COLGALT2: variants seen among roughly 807,000 people sequenced by gnomAD.
The protein encoded by COLGALT2 is procollagen galactosyltransferase 2.
In COLGALT2, 49 loss-of-function variants were observed where a neutral mutation model predicts 73.4. The ratio of observed to expected loss-of-function variants is 0.67; its 90% CI spans 0.53 to 0.85. The LOEUF is 0.85. Among genes scored for constraint, COLGALT2 ranks in the 40% least tolerant of loss-of-function variants. The pLI, the probability that COLGALT2 is intolerant of heterozygous loss-of-function variation, is 0.00. For missense variants in COLGALT2, 722 were observed against 790.2 expected (o/e 0.91, Z 1.03); for synonymous variants, 295 against 307.6 (o/e 0.96, Z 0.43).
intron 11 of COLGALT2, among the ~76,000 whole-genome samples, chr1:183,940,265 C>T (rs1670071339): frequency 6.6e-6 from 1 of 152,166 alleles, no homozygotes; most frequent in Non-Finnish European, 1.5e-5. Flanking sequence ...GGAAGATGGC[C>T]TTCACCTTGA....
intron 1 of COLGALT2, among the ~76,000 whole-genome samples, chr1:183,997,820 A>G (rs1671810776): frequency 6.6e-6 from 1 of 152,234 alleles, no homozygotes; most frequent in East Asian, 1.9e-4. Flanking sequence ...AAACTTACAC[A>G]TGTTGATACT....
In COLGALT2 at chr1:183,936,412, C is replaced by T; in HGVS notation, c.*2349G>A. On this transcript the variant is annotated 3_prime_UTR_variant, in exon 12 of 12. Coordinates refer to ENST00000361927, the MANE Select transcript of COLGALT2 (RefSeq NM_015101.4). Reference sequence around the variant, plus strand: ...GAGAAACAAACCGGGCTAAAGGAGACAGAACTTTCTTCACAGTAGAACAGT... The same window carrying T: ...GAGAAACAAACCGGGCTAAAGGAGATAGAACTTTCTTCACAGTAGAACAGT... 1.0e-6 allele frequency: 1 copy of T among 986,200 alleles called. No individual in the cohort carries two copies. Among genetic ancestry groups the T allele is most frequent in the Non-Finnish European group, 1.2e-6 (1 of 830,290 alleles). The allele number at this position is 986,200 out of a possible 1,614,324, so 61.1% of individuals were successfully genotyped here. A position where few individuals can be genotyped will look rare whatever the true frequency, so the allele number is the denominator to read the frequency against.
rs971411353 is a variant in COLGALT2 at position 184,037,394 on chromosome 1, G to C, written c.-37C>G. The C allele has an allele frequency of 5.9e-6, 8 of 1,346,474 alleles. No individual in the cohort carries two copies. In the African/African-American group the frequency reaches 1.1e-4, roughly 18 times the overall value. 83.4% of individuals were successfully genotyped at this position (1,346,474 alleles called of 1,614,324 possible). A position where few individuals can be genotyped will look rare whatever the true frequency, so the allele number is the denominator to read the frequency against. On this transcript the variant is annotated 5_prime_UTR_variant, in exon 1 of 12. Transcript: ENST00000361927. ...AGGCGGGCGGCGGGGAAGTCCTGGC[G>C]CGAGCGCCCGGCTGGGCTGCCTGAG...
intron 6 of COLGALT2, among the ~76,000 whole-genome samples, chr1:183,960,448 C>T (rs1670668768): frequency 6.6e-6 from 1 of 152,182 alleles, no homozygotes; most frequent in Non-Finnish European, 1.5e-5. Flanking sequence ...TCCCAAATTC[C>T]TATTTCTTTG....
intron 10 of COLGALT2, among the ~76,000 whole-genome samples, chr1:183,942,992 G>C (rs1259534807): frequency 2.0e-5 from 3 of 152,188 alleles, no homozygotes; most frequent in Admixed American, 6.5e-5. Flanking sequence ...TAGCTTCCAG[G>C]CCTGTGAGGC....
chr1:183,960,384 C>T (rs961349593), intron 6 of COLGALT2, among the ~76,000 whole-genome samples: 14 of 152,320 alleles, frequency 9.2e-5, no homozygotes, highest in African/African-American at 2.4e-4. Context: ...AGCCTAAGAA[C>T]GATTAGGACT....
intron 1 of COLGALT2, among the ~76,000 whole-genome samples, chr1:184,008,897 A>C (rs961454495): frequency 2.0e-5 from 3 of 152,146 alleles, no homozygotes; most frequent in African/African-American, 7.2e-5. Context: ...GTATAAAAAC[A>C]CTCATATAGA....
At chr1:183,969,570 C>A in intron 4 of COLGALT2, 97 bp from the exon 5 acceptor site, 1 of 1,102,406 alleles carries the variant, frequency 9.1e-7, no homozygotes, top group Non-Finnish European at 1.3e-6. Flanking sequence ...TCATTACCAG[C>A]TATATACAAG....
In COLGALT2 at chr1:183,945,478, CT is replaced by C. The variant is rs1485793086; in HGVS notation, c.1222del (p.Arg408GlyfsTer17). The C allele has an allele frequency of 1.2e-6, 2 of 1,614,222 alleles. No individual in the cohort carries two copies. The stretch of plus-strand genomic sequence containing the variant: ...GCTGAGAAAGCAGCCGATTTCACCC[CT>C]TGTTAGAGGCCTGGAGGAATAGGGA... ...RDPYSSRPLT[R>X]GEIGCFLSHY... On this transcript the variant is annotated frameshift_variant, in exon 9 of 12. Coordinates refer to ENST00000361927, the MANE Select transcript of COLGALT2 (RefSeq NM_015101.4). LOFTEE classifies it high-confidence loss of function.
chr1:184,026,954 A>T (rs1310020698), intron 1 of COLGALT2, among the ~76,000 whole-genome samples: 1 of 152,178 alleles, frequency 6.6e-6, no homozygotes, highest in East Asian at 1.9e-4. Context: ...CTGAAGAAAG[A>T]ATGTGAGGGA....
intron 7 of COLGALT2, among the ~76,000 whole-genome samples, chr1:183,952,503 T>C (rs994572734): frequency 6.6e-6 from 1 of 152,226 alleles, no homozygotes; most frequent in African/African-American, 2.4e-5. Context: ...AACTTTGTCT[T>C]AGAACCAGTC....
Position 183,975,139 on chromosome 1 carries a change from T to A in COLGALT2, c.450A>T (p.Ala150=), listed in dbSNP as rs1558321596. Residue 150 remains alanine (A), a synonymous_variant, in exon 3 of 12, where the codon GCA becomes GCT. Transcript: ENST00000361927. ...ATTTTTCCCTCGCAGTTCGAAGGGC[T>A]GCCTGTCGTAGTTTCATCACATGGG... ...RFAHVMKLRQ[A]ALRTAREKWS... is the part of the protein sequence containing the mutation. 2 of 1,614,034 alleles carry A rather than the reference T, an allele frequency of 1.2e-6. No individual in the cohort carries two copies. The highest frequency in any genetic ancestry group is 1.7e-6 in the Non-Finnish European group (2 of 1,179,996).
chr1:184,031,251 C>T (rs905381231), intron 1 of COLGALT2, among the ~76,000 whole-genome samples: 8 of 152,134 alleles, frequency 5.3e-5, no homozygotes, highest in Non-Finnish European at 1.2e-4. Context: ...ATGATTAGTG[C>T]CACCTTAATC....
At chr1:184,025,705 G>A (rs1236508624) in intron 1 of COLGALT2, among the ~76,000 whole-genome samples, 1 of 152,184 alleles carries the variant, frequency 6.6e-6, no homozygotes, top group Non-Finnish European at 1.5e-5. Context: ...TCAAGCACGT[G>A]CCTTCCCAAG....
downstream of COLGALT2, among the ~76,000 whole-genome samples, chr1:183,935,639 T>A (rs1669932312): frequency 6.6e-6 from 1 of 152,174 alleles, no homozygotes; most frequent in African/African-American, 2.4e-5. Flanking sequence ...TCAGCTTACA[T>A]AACAGTACCC....
chr1:183,948,171 C>A (rs569523058), intron 8 of COLGALT2, among the ~76,000 whole-genome samples: 1 of 152,026 alleles, frequency 6.6e-6, no homozygotes, highest in Non-Finnish European at 1.5e-5. Context: ...AAATTGTTAA[C>A]ACGAATCTTT....
intron 8 of COLGALT2, among the ~76,000 whole-genome samples, chr1:183,950,447 CAAAT>C (rs1252692869): frequency 1.4e-5 from 2 of 146,580 alleles, no homozygotes; most frequent in South Asian, 2.2e-4. Flanking sequence ...TTTAGGGTGT[CAAAT>C]AAAAGGGCAA....
chr1:183,992,832 T>C (rs370138176), intron 1 of COLGALT2, among the ~76,000 whole-genome samples: 4 of 152,230 alleles, frequency 2.6e-5, no homozygotes, highest in East Asian at 1.9e-4. Context: ...CCCCCAGTTA[T>C]ATGGTTTTTG....
In COLGALT2 at chr1:183,938,716, A is replaced by G. The variant is rs768585797; in HGVS notation, c.*45T>C. On this transcript the variant is annotated 3_prime_UTR_variant, in exon 12 of 12. Transcript: ENST00000361927. Reference sequence around the variant, plus strand: ...AACAGATGAATAGCCCTTTAGAAAAACCAGAGGATGTTGAACTGATGTGGG... The same window carrying G: ...AACAGATGAATAGCCCTTTAGAAAAGCCAGAGGATGTTGAACTGATGTGGG... 17 of 1,598,582 alleles carry G rather than the reference A, an allele frequency of 1.1e-5. No individual in the cohort carries two copies. The East Asian group carries it at 3.4e-4, about 32-fold the overall frequency.
Sources: gnomAD v4.1 joint callset for allele counts (sites outside exome capture counted in the v4.1 genomes callset) on GRCh38, gnomAD v4.1.1 for gene constraint, MANE v1.5 for transcripts, NCBI Gene and HGNC (gene_info 2026-07-23, HGNC 2026-07-21) for gene names.